TMEM163: variants seen among roughly 807,000 people sequenced by gnomAD.
TMEM163 encodes transmembrane protein 163.
In TMEM163, 17 loss-of-function variants were observed where a neutral mutation model predicts 29.3. The observed-to-expected ratio is 0.58, with a 90% CI of 0.40 to 0.87. The LOEUF (loss-of-function observed/expected upper bound fraction) is 0.87, where lower values mean the gene tolerates loss of function less well. TMEM163 is among the 40% of genes least tolerant of loss of function. The probability of loss-of-function intolerance (pLI) is 0.00; values close to 1 mark genes in which losing one functional copy is unlikely to be tolerated. For synonymous variants in TMEM163, 157 were observed against 160.6 expected (o/e 0.98, Z 0.17); for missense variants, 303 against 381.5 (o/e 0.79, Z 1.71).
Position 134,525,022 on chromosome 2 carries a change from C to T in TMEM163, c.459-22025G>A, listed in dbSNP as rs1680263315. On this transcript the variant is annotated intron_variant, in intron 4 of 7. Transcript: ENST00000281924. ...GCGTTCCTATTTCTCCACAGCCTCG[C>T]CAACATCTGTTGTTTCTTGACTTTT... 1.3e-5 allele frequency among the ~76,000 whole-genome samples: 2 copies of T among 152,088 alleles called. 1 individual carries two copies. The highest frequency in any genetic ancestry group is 1.3e-4 in the Admixed American group (2 of 15,276).
At chr2:134,520,674 G>A (rs898390663) in intron 4 of TMEM163, among the ~76,000 whole-genome samples, 2 of 152,166 alleles carry the variant, frequency 1.3e-5, no homozygotes, top group Admixed American at 6.5e-5. Context: ...CACCCCATAA[G>A]GTCCAAATGT....
intron 2 of TMEM163, among the ~76,000 whole-genome samples, chr2:134,707,897 C>CTTT (rs35922959): frequency 3.0e-5 from 4 of 133,662 alleles, no homozygotes; most frequent in Non-Finnish European, 3.3e-5. Flanking sequence ...CAGACCAGAA[C>CTTT]TTTTTTTTTT....
intron 2 of TMEM163, among the ~76,000 whole-genome samples, chr2:134,597,561 T>G (rs1301071890): frequency 1.3e-5 from 2 of 152,198 alleles, no homozygotes; most frequent in Non-Finnish European, 2.9e-5. Context: ...TCAGGGATAT[T>G]GGTCTAAAAT....
chr2:134,529,756 C>A (rs775279542), intron 4 of TMEM163, among the ~76,000 whole-genome samples: 17 of 151,408 alleles, frequency 1.1e-4, no homozygotes, highest in African/African-American at 3.9e-4. Context: ...CACAGCAAGA[C>A]CCTACCTCAA....
chr2:134,542,191 T>A (rs894624956), intron 4 of TMEM163, among the ~76,000 whole-genome samples: 1 of 152,180 alleles, frequency 6.6e-6, no homozygotes, highest in East Asian at 1.9e-4. Flanking sequence ...GGATGACAAA[T>A]AAAACAATTT....
At chr2:134,561,790 G>A (rs1376360773) in intron 2 of TMEM163, among the ~76,000 whole-genome samples, 1 of 152,198 alleles carries the variant, frequency 6.6e-6, no homozygotes, top group Non-Finnish European at 1.5e-5. Context: ...CACACTGCCA[G>A]ACTAACATGA....
chr2:134,582,400 T>C (rs546329274), intron 2 of TMEM163, among the ~76,000 whole-genome samples: 1 of 152,320 alleles, frequency 6.6e-6, no homozygotes, highest in African/African-American at 2.4e-5. Flanking sequence ...AACCGCACGC[T>C]TTTTGCAAGA....
At chr2:134,668,447 C>T (rs1463893732) in intron 2 of TMEM163, among the ~76,000 whole-genome samples, 1 of 152,110 alleles carries the variant, frequency 6.6e-6, no homozygotes, top group Non-Finnish European at 1.5e-5. Flanking sequence ...AGTTCCTGAA[C>T]CCAGAGAGCC....
chr2:134,551,712 T>C (rs532545922), intron 3 of TMEM163, among the ~76,000 whole-genome samples: 1 of 152,176 alleles, frequency 6.6e-6, no homozygotes, highest in Non-Finnish European at 1.5e-5. Context: ...TCGCAGCACA[T>C]CTGCCTACAC....
chr2:134,623,126 C>T (rs1227191987), intron 2 of TMEM163, among the ~76,000 whole-genome samples: 1 of 152,150 alleles, frequency 6.6e-6, no homozygotes, highest in Admixed American at 6.5e-5. Context: ...GTCTTCCCTC[C>T]CATGCTATTT....
In TMEM163 at chr2:134,532,223, G is replaced by A. The variant is rs982990041; in HGVS notation, c.458+18347C>T. ...CATTTAGGCAGAGATACCAATCTGC[G>A]CCTAAATGCTGGCCCAGCTATTAAA... On this transcript the variant is annotated intron_variant, in intron 4 of 7. Coordinates refer to ENST00000281924, the MANE Select transcript of TMEM163 (RefSeq NM_030923.5). Among the ~76,000 whole-genome samples, 105 of 152,258 alleles carry A rather than the reference G, an allele frequency of 6.9e-4. 1 individual carries two copies. Among genetic ancestry groups the A allele is most frequent in the Admixed American group, 5.6e-3 (86 of 15,292 alleles).
intron 2 of TMEM163, among the ~76,000 whole-genome samples, chr2:134,578,843 A>AT (rs1205780505): frequency 6.6e-6 from 1 of 152,118 alleles, no homozygotes; most frequent in Non-Finnish European, 1.5e-5. Flanking sequence ...GCCTAACTGC[A>AT]TTTTCAGAAG....
intron 4 of TMEM163, among the ~76,000 whole-genome samples, chr2:134,536,754 T>C (rs149841208): frequency 1.5e-3 from 229 of 152,330 alleles, no homozygotes; most frequent in African/African-American, 5.2e-3. Context: ...GTTAAACTTT[T>C]AGGTCAAAAA....
At chr2:134,496,978 C>T (rs1679579720) in intron 5 of TMEM163, among the ~76,000 whole-genome samples, 1 of 152,182 alleles carries the variant, frequency 6.6e-6, no homozygotes, top group Admixed American at 6.5e-5. Context: ...CCTCCTCCCA[C>T]TCATCGCCTG....
At chr2:134,513,931 C>T (rs1432155067) in intron 4 of TMEM163, among the ~76,000 whole-genome samples, 2 of 152,220 alleles carry the variant, frequency 1.3e-5, no homozygotes, top group Non-Finnish European at 2.9e-5. Flanking sequence ...GAGTGCTGAA[C>T]CAACACCCCT....
chr2:134,560,194 C>T (rs917221273), intron 2 of TMEM163, among the ~76,000 whole-genome samples: 1 of 152,168 alleles, frequency 6.6e-6, no homozygotes, highest in Admixed American at 6.5e-5. Flanking sequence ...TCACCCACCT[C>T]TAAATTTTCT....
At chr2:134,512,060 G>A (rs368543725) in intron 4 of TMEM163, among the ~76,000 whole-genome samples, 60 of 152,270 alleles carry the variant, frequency 3.9e-4, no homozygotes, top group Non-Finnish European at 6.3e-4. Flanking sequence ...AAGAAACACC[G>A]AATGTCTACC....
chr2:134,464,355 C>T (rs560462757), intron 6 of TMEM163, among the ~76,000 whole-genome samples: 2 of 152,166 alleles, frequency 1.3e-5, no homozygotes, highest in African/African-American at 2.4e-5. Context: ...CATCAGTTCC[C>T]GGGCCCCAAT....
At chr2:134,658,487 G>T (rs556923067) in intron 2 of TMEM163, among the ~76,000 whole-genome samples, 10 of 152,124 alleles carry the variant, frequency 6.6e-5, no homozygotes, top group Admixed American at 3.3e-4. Context: ...CTGAGTATTG[G>T]TATGAGCAAA....
Sources: gnomAD v4.1 joint callset for allele counts (sites outside exome capture counted in the v4.1 genomes callset) on GRCh38, gnomAD v4.1.1 for gene constraint, MANE v1.5 for transcripts, NCBI Gene and HGNC (gene_info 2026-07-23, HGNC 2026-07-21) for gene names.